NEB: variants seen among roughly 807,000 people sequenced by gnomAD.
The protein encoded by NEB is nebulin.
NEB carries 512 observed loss-of-function variants against 952.2 expected under a neutral mutation model. The ratio of observed to expected loss-of-function variants is 0.54; its 90% CI spans 0.50 to 0.58. The LOEUF is 0.58. Ranked by LOEUF, NEB falls within the 20% of genes least tolerant of loss-of-function variation. The pLI is 0.00. For missense variants in NEB, 8,428 were observed against 9,231.1 expected, an observed-to-expected ratio of 0.91 and a Z score of 3.56; for synonymous variants, 2,900 against 3,149.8, an observed-to-expected ratio of 0.92 and a Z score of 2.66.
At chr2:151,595,598 G>C (rs1236393153) in intron 92 of NEB, among the ~76,000 whole-genome samples, 1 of 96,870 alleles carries the variant, frequency 1.0e-5, no homozygotes, top group African/African-American at 5.7e-5. Flanking sequence ...TTGACCACTA[G>C]TAAGTTTTAA....
chr2:151,601,403 C>T (rs1196995432), intron 88 of NEB, among the ~76,000 whole-genome samples: 2 of 144,700 alleles, frequency 1.4e-5, no homozygotes, highest in Admixed American at 6.8e-5. Context: ...AGCCACCATG[C>T]CTTGCCTGAA....
At position 151,710,455 on chromosome 2, in the gene NEB, C is replaced by T. The variant is rs2099741659; in HGVS notation, c.906G>A (p.Met302Ile). The T allele has an allele frequency of 1.2e-6, 2 of 1,611,950 alleles. No individual in the cohort carries two copies. The highest frequency in any genetic ancestry group is 1.1e-5 in the South Asian group (1 of 90,934). Reference sequence around the variant, plus strand: ...TAACTGTGCTAATGTTATCAGCATTCATTCTGGCATTTGCAACTTCAAAGC... The same window carrying T: ...TAACTGTGCTAATGTTATCAGCATTTATTCTGGCATTTGCAACTTCAAAGC... ...TPCFEVANAR[M>I]NADNISTRKY... The change falls in exon 11 of 182, where the codon ATG (methionine) becomes ATA (isoleucine). Residue 302 changes from methionine to isoleucine, a missense_variant. This residue lies in a region of NEB where 2,851 missense variants were observed against 2,791.5 expected (regional missense o/e 1.02). Transcript: ENST00000397345.
intron 68 of NEB, 73 bp from the exon 69 acceptor site, chr2:151,627,907 T>C (rs1037986839): frequency 3.3e-6 from 5 of 1,514,456 alleles, no homozygotes; most frequent in Non-Finnish European, 2.7e-6. Flanking sequence ...TTTAAAACTT[T>C]ATTATTTTAA....
intron 138 of NEB, among the ~76,000 whole-genome samples, chr2:151,540,026 G>A (rs970464729): frequency 2.6e-5 from 4 of 152,142 alleles, no homozygotes; most frequent in African/African-American, 9.7e-5. Flanking sequence ...ATCCATGTCT[G>A]GCTGACTGCA....
At chr2:151,529,808 G>T (rs1282438086) in intron 145 of NEB, among the ~76,000 whole-genome samples, 1 of 152,168 alleles carries the variant, frequency 6.6e-6, no homozygotes, top group African/African-American at 2.4e-5. Flanking sequence ...GGGATTACAG[G>T]TGTGAGCCAC....
chr2:151,650,816 G>A lies in NEB; in HGVS notation c.6985C>T (p.Pro2329Ser). ...ACATTCATGGACAACACAAGTTTTG[G>A]GTCATCTTGCAGACTCCGGAATCCA... ...HVGFRSLQDDPKLVLSMNVAK... is the reference protein window; with the variant it reads ...HVGFRSLQDDSKLVLSMNVAK... Residue 2329 changes from proline to serine, a missense_variant, in exon 53 of 182, where the codon CCA becomes TCA. Physicochemically the swap from Pro to Ser is moderately conservative, Grantham distance 74 (BLOSUM62 -1). Around this residue, in one of 11 missense-constraint regions of NEB, gnomAD observed 1,772 missense variants for 1,960.3 expected, o/e 0.90. Coordinates refer to ENST00000397345, the MANE Select transcript of NEB (RefSeq NM_001164508.2). 1 of 1,613,850 alleles carries A rather than the reference G, an allele frequency of 6.2e-7. No individual in the cohort carries two copies. Among genetic ancestry groups the A allele is most frequent in the Non-Finnish European group, 8.5e-7 (1 of 1,179,812 alleles).
chr2:151,531,168 G>A, intron 144 of NEB, 67 bp from the exon 145 acceptor site: 1 of 1,076,564 alleles, frequency 9.3e-7, no homozygotes, highest in Non-Finnish European at 1.4e-6. Context: ...AAATATAAAT[G>A]CAAAGTTTTT....
chr2:151,635,351 C>G (rs1229635298), intron 64 of NEB, among the ~76,000 whole-genome samples: 1 of 152,046 alleles, frequency 6.6e-6, no homozygotes, highest in African/African-American at 2.4e-5. Flanking sequence ...TCATTTGTTC[C>G]TCAAGAATCC....
At chr2:151,680,096 C>A in intron 30 of NEB, 74 bp from the exon 31 acceptor site, 1 of 1,087,224 alleles carries the variant, frequency 9.2e-7, no homozygotes, top group Non-Finnish European at 1.4e-6. Context: ...AAATAATTTC[C>A]TAATGGATCA....
chr2:151,627,464 C>T, intron 69 of NEB, 59 bp downstream of exon 69: 4 of 1,579,874 alleles, frequency 2.5e-6, no homozygotes, highest in Admixed American at 3.4e-5. Flanking sequence ...AGACCACTGT[C>T]TCAGTATTTC....
Position 151,682,649 on chromosome 2 carries a change from C to T in NEB, c.2943+13G>A. The T allele has an allele frequency of 6.3e-7, 1 of 1,593,962 alleles. No homozygotes were observed. Among genetic ancestry groups the T allele is most frequent in the Non-Finnish European group, 8.6e-7 (1 of 1,163,522 alleles). Reference sequence around the variant, plus strand: ...AGTCACCACTCTCCCTCTGACACACCCAGTGGCTTTACCTCATTGAGGATG... The same window carrying T: ...AGTCACCACTCTCCCTCTGACACACTCAGTGGCTTTACCTCATTGAGGATG... On this transcript the variant is annotated intron_variant, in intron 29 of 181. Coordinates refer to ENST00000397345, the MANE Select transcript of NEB (RefSeq NM_001164508.2).
intron 161 of NEB, among the ~76,000 whole-genome samples, chr2:151,509,977 TAC>T (rs1173797207): frequency 6.6e-6 from 1 of 152,254 alleles, no homozygotes; most frequent in Non-Finnish European, 1.5e-5. Flanking sequence ...AACTCAAAAT[TAC>T]AAAGTTTTTC....
intron 20 of NEB, among the ~76,000 whole-genome samples, chr2:151,692,925 G>T (rs1036930981): frequency 6.6e-6 from 1 of 152,118 alleles, no homozygotes; most frequent in African/African-American, 2.4e-5. Context: ...AGCCGAGATC[G>T]TGACACTGCA....
intron 11 of NEB, among the ~76,000 whole-genome samples, chr2:151,709,976 T>G (rs561141464): frequency 7.9e-5 from 12 of 152,236 alleles, no homozygotes; most frequent in African/African-American, 2.9e-4. Context: ...AAAAACAGAA[T>G]TAGAAAGGCT....
chr2:151,488,298 C>T (rs2052846888), intron 181 of NEB, among the ~76,000 whole-genome samples: 1 of 152,086 alleles, frequency 6.6e-6, no homozygotes, highest in East Asian at 1.9e-4. Context: ...ATTGGCCAGA[C>T]TTTTATACTT....
At chr2:151,639,213 A>G in intron 63 of NEB, 67 bp downstream of exon 63, 1 of 1,218,874 alleles carries the variant, frequency 8.2e-7, no homozygotes, top group Non-Finnish European at 1.2e-6. Context: ...ATTTGGTATC[A>G]TGTCATCATA....
At chr2:151,563,513 G>A in intron 119 of NEB, 93 bp downstream of exon 119, 1 of 1,094,846 alleles carries the variant, frequency 9.1e-7, no homozygotes, top group Non-Finnish European at 1.4e-6. Flanking sequence ...CCATTTCCCA[G>A]CTAACCTGAA....
chr2:151,647,976 C>T (rs1422373642), intron 54 of NEB, among the ~76,000 whole-genome samples: 1 of 152,072 alleles, frequency 6.6e-6, no homozygotes, highest in Non-Finnish European at 1.5e-5. Flanking sequence ...TTGGGAAATA[C>T]AGACGGAATA....
rs2154112865 is a variant in NEB, at chr2:151,642,573, C to T, written c.8373+1G>A. Reference sequence around the variant, plus strand: ...GCAAATAACTTTCCAAGTATACTTACTTCACTTGCAATATCTCTGGAGGCC... The same window carrying T: ...GCAAATAACTTTCCAAGTATACTTATTTCACTTGCAATATCTCTGGAGGCC... On this transcript the variant is annotated splice_donor_variant, in intron 60 of 181. Coordinates refer to ENST00000397345, the MANE Select transcript of NEB (RefSeq NM_001164508.2). LOFTEE classifies it high-confidence loss of function. 1 of 1,607,158 alleles carries T rather than the reference C, an allele frequency of 6.2e-7. No homozygotes were observed. Among genetic ancestry groups the T allele is most frequent in the Non-Finnish European group, 8.5e-7 (1 of 1,175,132 alleles).
Sources: allele counts gnomAD v4.1 joint callset (sites outside exome capture counted in the v4.1 genomes callset), GRCh38; gene constraint gnomAD v4.1.1; regional missense constraint gnomAD v4.1.1; transcripts MANE v1.5; gene names NCBI Gene and HGNC (gene_info 2026-07-23, HGNC 2026-07-21).